LIMK1: variants seen among roughly 807,000 people sequenced by gnomAD.
The protein encoded by LIMK1 is LIM domain kinase 1, also known as LIM motif-containing protein kinase.
A neutral mutation model predicts 77.6 loss-of-function variants in LIMK1; 21 were observed. That is an observed-to-expected ratio of 0.27 (90% CI 0.19 to 0.39). The LOEUF is 0.39. Among genes scored for constraint, LIMK1 ranks in the 10% least tolerant of loss-of-function variants. The probability of loss-of-function intolerance (pLI) is 1.00; values close to 1 mark genes in which losing one functional copy is unlikely to be tolerated. For synonymous variants in LIMK1, 358 were observed against 370.0 expected (o/e 0.97, Z 0.37); for missense variants, 696 against 901.6 (o/e 0.77, Z 2.92).
At chr7:74,106,413 T>G (rs1417914612) in intron 7 of LIMK1, among the ~76,000 whole-genome samples, 170 bp downstream of exon 7, 1 of 151,848 alleles carries the variant, frequency 6.6e-6, no homozygotes, top group African/African-American at 2.4e-5. Context: ...CCAGCTTGGG[T>G]GACAAAACAA....
chr7:74,084,193 T>G, intron 1 of LIMK1, 148 bp downstream of exon 1: 2 of 329,264 alleles, frequency 6.1e-6, no homozygotes, highest in East Asian at 4.7e-5. Flanking sequence ...GGCCCCTCCC[T>G]GTCCCCCTCC....
At chr7:74,114,894 A>C (rs1454770213) in intron 12 of LIMK1, among the ~76,000 whole-genome samples, 1 of 150,666 alleles carries the variant, frequency 6.6e-6, no homozygotes, top group East Asian at 2.0e-4. Flanking sequence ...CAACCTGGGC[A>C]ATAGAGCAAG....
chr7:74,103,249 C>CTT (rs1233300842), intron 5 of LIMK1, among the ~76,000 whole-genome samples: 6 of 135,384 alleles, frequency 4.4e-5, no homozygotes, highest in Non-Finnish European at 4.8e-5. Context: ...AATGTTTTTC[C>CTT]TTTTTTTTTT....
At chr7:74,102,602 G>A (rs2115688033) in intron 5 of LIMK1, among the ~76,000 whole-genome samples, 1 of 148,026 alleles carries the variant, frequency 6.8e-6, no homozygotes, top group East Asian at 2.0e-4. Context: ...TCCCACCTCT[G>A]CCTCCCAAGT....
chr7:74,108,213 C>T (rs1799621089), intron 9 of LIMK1, among the ~76,000 whole-genome samples: 1 of 151,918 alleles, frequency 6.6e-6, no homozygotes, highest in African/African-American at 2.4e-5. Context: ...CAATGTGCAC[C>T]TGTCATCCCA....
chr7:74,103,513 T>C (rs2115692208), intron 5 of LIMK1, among the ~76,000 whole-genome samples: 1 of 152,340 alleles, frequency 6.6e-6, no homozygotes, highest in South Asian at 2.1e-4. Context: ...ATGATGTCAG[T>C]GTGCCCTTTG....
At chr7:74,100,983 C>T (rs1308745391) in intron 5 of LIMK1, among the ~76,000 whole-genome samples, 6 of 152,118 alleles carry the variant, frequency 3.9e-5, no homozygotes, top group Non-Finnish European at 5.9e-5. Context: ...GTGATCCGCC[C>T]GTCTCGGCCT....
chr7:74,120,567 C>T lies in LIMK1; in HGVS notation c.1568-16C>T, dbSNP rs547112708. On this transcript the variant is annotated splice_polypyrimidine_tract_variant and intron_variant, in intron 13 of 15. Coordinates refer to ENST00000336180, the MANE Select transcript of LIMK1 (RefSeq NM_002314.4). ...CCCCATGTGTTCATCTGCTGACAGTCGGTCTCTTTATCCAGGCCGCAGCTA... is the reference window on the plus strand; with the variant it reads ...CCCCATGTGTTCATCTGCTGACAGTTGGTCTCTTTATCCAGGCCGCAGCTA... 38 of 1,613,906 alleles carry T rather than the reference C, an allele frequency of 2.4e-5. No homozygotes were observed. Among genetic ancestry groups the T allele is most frequent in the Non-Finnish European group, 2.9e-5 (34 of 1,179,862 alleles).
At chr7:74,119,816 G>A (rs1799895305) in intron 13 of LIMK1, among the ~76,000 whole-genome samples, 1 of 152,058 alleles carries the variant, frequency 6.6e-6, no homozygotes, top group Non-Finnish European at 1.5e-5. Context: ...ATTGAGGCAG[G>A]AGAATCGCTT....
rs1799077324 is a variant in LIMK1, at chr7:74,083,888, G to GCGCCCTC, written c.-97_-91dup. ...CCCCCGGCCCGGCCCGGCCCGGCCC[G>GCGCCCTC]CGCCCTCCGCCCCCGCCTCCCCGGG... On this transcript the variant is annotated 5_prime_UTR_variant, in exon 1 of 16. Coordinates refer to ENST00000336180, the MANE Select transcript of LIMK1 (RefSeq NM_002314.4). The GCGCCCTC allele has an allele frequency of 6.4e-6, 1 of 155,150 alleles. No homozygotes were observed. Among genetic ancestry groups the GCGCCCTC allele is most frequent in the Non-Finnish European group, 1.3e-5 (1 of 74,338 alleles). The allele number at this position is 155,150 out of a possible 1,614,324, so 9.6% of individuals were successfully genotyped here. A position where few individuals can be genotyped will look rare whatever the true frequency, so the allele number is the denominator to read the frequency against.
At chr7:74,096,515 A>G in intron 2 of LIMK1, 107 bp from the exon 3 acceptor site, 2 of 1,472,866 alleles carry the variant, frequency 1.4e-6, no homozygotes, top group Non-Finnish European at 1.9e-6. Context: ...ACAAACAAAA[A>G]GAAAACTTGT....
At chr7:74,092,384 G>A (rs1799254640) in intron 2 of LIMK1, among the ~76,000 whole-genome samples, 1 of 152,188 alleles carries the variant, frequency 6.6e-6, no homozygotes, top group African/African-American at 2.4e-5. Flanking sequence ...TGCTGTGATG[G>A]GGGCCTGCAG....
rs71094754 is a variant in LIMK1, at chr7:74,102,484, C to CTTTTTTTTTTTTTTTTTTTTT, written c.608+3264_608+3265insTTTTTTTTTTTTTTTTTTTTT. ...GATATTCTCAAAAGAAGGACCTTCT[C>CTTTTTTTTTTTTTTTTTTTTT]TTTTTTTTTTTTTTTTTTGGAGACA... On this transcript the variant is annotated intron_variant, in intron 5 of 15. Transcript: ENST00000336180. Among the ~76,000 whole-genome samples the CTTTTTTTTTTTTTTTTTTTTT allele has an allele frequency of 1.7e-3, 91 of 54,062 alleles. 30 individuals carry two copies. The highest frequency in any genetic ancestry group is 0.02 in the Middle Eastern group (1 of 50). The allele number at this position is 54,062 out of a possible 152,430, so 35.5% of individuals were successfully genotyped here.
chr7:74,097,103 C>T lies in LIMK1; in HGVS notation c.315C>T (p.His105=), dbSNP rs1554695766. The T allele has an allele frequency of 2.5e-6, 4 of 1,613,344 alleles. No homozygotes were observed. Among genetic ancestry groups the T allele is most frequent in the Non-Finnish European group, 2.5e-6 (3 of 1,179,708 alleles). ...LVMVAGELKY[H]PECFICLTCG... ...AGGTGGCTGGGGAGCTGAAGTACCA[C>T]CCCGAGTGTTTCATCTGCCTCACGT... The change falls in exon 4 of 16, where the codon CAC becomes CAT. Residue 105 remains histidine (H), a synonymous_variant. Coordinates refer to ENST00000336180, the MANE Select transcript of LIMK1 (RefSeq NM_002314.4).
At chr7:74,108,565 T>C (rs767179857) in intron 9 of LIMK1, among the ~76,000 whole-genome samples, 1 of 151,504 alleles carries the variant, frequency 6.6e-6, no homozygotes, top group African/African-American at 2.4e-5. Flanking sequence ...GGAGAATTTC[T>C]TGAACTCAGG....
intron 13 of LIMK1, among the ~76,000 whole-genome samples, chr7:74,118,238 G>C (rs1264076880): frequency 2.0e-5 from 3 of 151,426 alleles, no homozygotes; most frequent in Non-Finnish European, 4.4e-5. Context: ...TTAGCTGGGC[G>C]TGGTTGCACG....
At chr7:74,118,270 G>A (rs1193662414) in intron 13 of LIMK1, among the ~76,000 whole-genome samples, 6 of 151,252 alleles carry the variant, frequency 4.0e-5, no homozygotes, top group Admixed American at 2.7e-4. Flanking sequence ...CCAGCTACCC[G>A]GGAGGCTGAG....
chr7:74,111,620 C>T, intron 10 of LIMK1, 28 bp from the exon 11 acceptor site: 1 of 1,603,006 alleles, frequency 6.2e-7, no homozygotes, highest in Non-Finnish European at 8.5e-7. Context: ...CCACCGGCCC[C>T]ACCCTGGCCA....
chr7:74,122,306 G>A lies in LIMK1; in HGVS notation c.*1005G>A, dbSNP rs1799958388. On this transcript the variant is annotated 3_prime_UTR_variant, in exon 16 of 16. Coordinates refer to ENST00000336180, the MANE Select transcript of LIMK1 (RefSeq NM_002314.4). ...TTTTATTTTTGTGGCGGGCGGGGGT[G>A]GGAGGGCCATTTTGTCACTTTGCCT... 1 of 152,032 alleles carries A rather than the reference G, an allele frequency of 6.6e-6. No individual in the cohort carries two copies. Among genetic ancestry groups the A allele is most frequent in the African/African-American group, 2.4e-5 (1 of 41,320 alleles). The allele number at this position is 152,032 out of a possible 1,614,324, so 9.4% of individuals were successfully genotyped here. A position where few individuals can be genotyped will look rare whatever the true frequency, so the allele number is the denominator to read the frequency against.
Sources: allele counts gnomAD v4.1 joint callset (sites outside exome capture counted in the v4.1 genomes callset), GRCh38; gene constraint gnomAD v4.1.1; transcripts MANE v1.5; gene names NCBI Gene and HGNC (gene_info 2026-07-23, HGNC 2026-07-21).